DOCK1: variants seen among roughly 807,000 people sequenced by gnomAD.
The protein encoded by DOCK1 is dedicator of cytokinesis 1, also known as dedicator of cytokinesis protein 1.
In DOCK1, 138 loss-of-function variants were observed where a neutral mutation model predicts 262.7. The ratio of observed to expected loss-of-function variants is 0.53; its 90% CI spans 0.46 to 0.61. DOCK1 has a LOEUF of 0.61. Among genes scored for constraint, DOCK1 ranks in the 20% least tolerant of loss-of-function variants. The pLI, the probability that DOCK1 is intolerant of heterozygous loss-of-function variation, is 0.00. For synonymous variants in DOCK1, 866 were observed against 867.4 expected (o/e 1.00, Z 0.03); for missense variants, 1,908 against 2,370.7 (o/e 0.80, Z 4.05).
At chr10:127,093,219 T>TTTCTTTCTTTCTTTCTTTCTTTCTTTC (rs149382008) in intron 23 of DOCK1, among the ~76,000 whole-genome samples, 28 of 62,920 alleles carry the variant, frequency 4.5e-4, no homozygotes, top group African/African-American at 1.0e-3. Flanking sequence ...TCTTTCTTTC[T>TTTCTTTCTTTCTTTCTTTCTTTCTTTC]TTTCTTTCTT....
rs778364372 is a variant in DOCK1 at position 127,023,270 on chromosome 10, G to A, written c.1398G>A (p.Ala466=). The A allele has an allele frequency of 7.4e-6, 12 of 1,613,854 alleles. No individual in the cohort carries two copies. The highest frequency in any genetic ancestry group is 6.7e-5 in the African/African-American group (5 of 74,922). The change falls in exon 14 of 52, where the codon GCG becomes GCA. Residue 466 remains alanine (A), a synonymous_variant. Transcript: ENST00000623213. ...TTGATAAAGGAAGCAAAACAACAGC[G>A]AAGAACGTGGAGGTCACGGTGTCTG... is the stretch of plus-strand genomic sequence containing the variant. ...GDFDKGSKTT[A]KNVEVTVSVY...
Position 127,021,696 on chromosome 10 carries a change from C to T in DOCK1, c.1328-1504C>T, listed in dbSNP as rs776721192. Among the ~76,000 whole-genome samples the T allele has an allele frequency of 2.0e-5, 3 of 152,278 alleles. No individual in the cohort carries two copies. In the South Asian group the frequency reaches 6.2e-4, roughly 32 times the overall value. ...TCTTCTCGTGGTCAGTATCAGTGGG[C>T]GGCAGCCGCGCCTCCTTCCACACAG... On this transcript the variant is annotated intron_variant, in intron 13 of 51. Coordinates refer to ENST00000623213, the MANE Select transcript of DOCK1 (RefSeq NM_001290223.2).
chr10:127,272,431 T>C (rs966622790), intron 29 of DOCK1, among the ~76,000 whole-genome samples: 1 of 152,188 alleles, frequency 6.6e-6, no homozygotes, highest in Non-Finnish European at 1.5e-5. Flanking sequence ...TAGGAAGAGA[T>C]AGATTCTGCT....
At chr10:127,111,061 T>G (rs1564810525) in intron 25 of DOCK1, among the ~76,000 whole-genome samples, 1 of 152,330 alleles carries the variant, frequency 6.6e-6, no homozygotes, top group East Asian at 1.9e-4. Context: ...CCTGGACATT[T>G]GGCTGCTCCA....
chr10:127,440,334 A>G (rs1337385694), intron 49 of DOCK1, among the ~76,000 whole-genome samples: 1 of 152,090 alleles, frequency 6.6e-6, no homozygotes, highest in African/African-American at 2.4e-5. Context: ...CAACATTTCA[A>G]CATGAGAGTT....
intron 32 of DOCK1, among the ~76,000 whole-genome samples, chr10:127,361,406 A>ATGTG (rs2064438682): frequency 6.6e-6 from 1 of 152,000 alleles, no homozygotes; most frequent in African/African-American, 2.4e-5. Context: ...GAGCCACCAC[A>ATGTG]CCCGGCCTAA....
At chr10:127,244,995 C>T (rs1449936443) in intron 27 of DOCK1, among the ~76,000 whole-genome samples, 5 of 152,210 alleles carry the variant, frequency 3.3e-5, no homozygotes, top group Non-Finnish European at 7.3e-5. Flanking sequence ...TTTCACAGAG[C>T]TCGCTCACTT....
At chr10:127,259,391 C>T (rs1008438934) in intron 29 of DOCK1, among the ~76,000 whole-genome samples, 1 of 152,210 alleles carries the variant, frequency 6.6e-6, no homozygotes, top group Non-Finnish European at 1.5e-5. Context: ...AGCTCTAGAG[C>T]GTTGTGTCTT....
At chr10:127,397,616 A>G (rs1301560766) in intron 38 of DOCK1, among the ~76,000 whole-genome samples, 1 of 150,392 alleles carries the variant, frequency 6.6e-6, no homozygotes, top group Admixed American at 6.6e-5. Flanking sequence ...AGCGTCTCCT[A>G]TGTGATCTGA....
intron 11 of DOCK1, among the ~76,000 whole-genome samples, chr10:127,011,079 C>CT (rs1215662480): frequency 2.0e-5 from 3 of 152,184 alleles, no homozygotes; most frequent in African/African-American, 7.2e-5. Context: ...CTTTTTCTAT[C>CT]TTGTAGTGGA....
Position 127,175,741 on chromosome 10 carries a change from C to T in DOCK1, c.2847+47977C>T, listed in dbSNP as rs756966142. ...CTCCCGAGCAGCTGGTAATCGGGCT[C>T]TTCGGATGGAGGCCGAGTGGAGTTT... On this transcript the variant is annotated intron_variant, in intron 27 of 51. Transcript: ENST00000623213. The surrounding 1 kb of genome is among the most constrained non-coding windows in gnomAD (Gnocchi z 6.3). 5 of 1,613,990 alleles carry T rather than the reference C, an allele frequency of 3.1e-6. No homozygotes were observed. The African/African-American group carries it at 4.0e-5, about 13-fold the overall frequency.
At chr10:127,347,297 A>T (rs889454600) in intron 31 of DOCK1, among the ~76,000 whole-genome samples, 6 of 149,768 alleles carry the variant, frequency 4.0e-5, no homozygotes, top group African/African-American at 1.5e-4. Context: ...CTCGTGACGA[A>T]GAAGGTCATG....
intron 27 of DOCK1, among the ~76,000 whole-genome samples, chr10:127,161,705 T>A (rs2053606219): frequency 6.6e-6 from 1 of 152,122 alleles, no homozygotes; most frequent in South Asian, 2.1e-4. Flanking sequence ...TGGCTGGCTC[T>A]CCCCCACTCT....
intron 29 of DOCK1, among the ~76,000 whole-genome samples, chr10:127,319,734 C>T (rs753732133): frequency 3.3e-5 from 5 of 152,216 alleles, no homozygotes; most frequent in Non-Finnish European, 5.9e-5. Flanking sequence ...TTGGGCCACC[C>T]GTGCCCTGTC....
At chr10:127,066,323 G>T (rs918133843) in intron 23 of DOCK1, among the ~76,000 whole-genome samples, 2 of 152,030 alleles carry the variant, frequency 1.3e-5, no homozygotes, top group Non-Finnish European at 2.9e-5. Flanking sequence ...GGCTTGCTAG[G>T]TCCCCAGTTC....
chr10:126,945,975 A>G (rs1222820242), intron 1 of DOCK1, among the ~76,000 whole-genome samples: 1 of 152,210 alleles, frequency 6.6e-6, no homozygotes, highest in Admixed American at 6.5e-5. Context: ...GAACGTTCAT[A>G]GGCAGAGACG....
intron 29 of DOCK1, among the ~76,000 whole-genome samples, chr10:127,328,920 T>C (rs926506953): frequency 3.3e-5 from 5 of 151,482 alleles, no homozygotes; most frequent in Non-Finnish European, 5.9e-5. Flanking sequence ...TTTTTCTTTT[T>C]TATTGTGATT....
intron 1 of DOCK1, among the ~76,000 whole-genome samples, chr10:126,918,879 G>GCAGGTGGGCACGGAGGATTTGGA (rs1554955608): frequency 1.8e-5 from 2 of 110,606 alleles, no homozygotes; most frequent in Admixed American, 9.6e-5. Flanking sequence ...GGCAGGGTGT[G>GCAGGTGGGCACGGAGGATTTGGA]CAGGTGGGCA....
chr10:127,009,942 G>A (rs917759483), intron 11 of DOCK1, among the ~76,000 whole-genome samples: 4 of 152,122 alleles, frequency 2.6e-5, no homozygotes, highest in African/African-American at 9.7e-5. Context: ...GCAGGCGGGC[G>A]ATGTGGTCAC....
Sources: gnomAD v4.1 joint callset for allele counts (sites outside exome capture counted in the v4.1 genomes callset) on GRCh38, gnomAD v4.1.1 for gene constraint, Gnocchi (gnomAD v3.1) non-coding constraint, MANE v1.5 for transcripts, NCBI Gene and HGNC (gene_info 2026-07-23, HGNC 2026-07-21) for gene names.